Variants in P4HTM observed in about 807,000 individuals in gnomAD.
P4HTM encodes the protein transmembrane prolyl 4-hydroxylase.
In P4HTM, 33 loss-of-function variants were observed where a neutral mutation model predicts 55.3. The ratio of observed to expected loss-of-function variants is 0.60; its 90% CI spans 0.45 to 0.80. The LOEUF is 0.80. Among genes scored for constraint, P4HTM ranks in the 30% least tolerant of loss-of-function variants. P4HTM has a pLI of 0.00. For synonymous variants in P4HTM, 272 were observed against 286.4 expected (o/e 0.95, Z 0.51); for missense variants, 542 against 696.5 (o/e 0.78, Z 2.50).
Position 49,006,497 on chromosome 3 carries a change from T to G in P4HTM, c.1289-190T>G, listed in dbSNP as rs909631968. 2.0e-5 allele frequency among the ~76,000 whole-genome samples: 3 copies of G among 152,156 alleles called. 1 individual carries two copies. The highest frequency in any genetic ancestry group is 2.9e-5 in the Non-Finnish European group (2 of 68,024). On this transcript the variant is annotated intron_variant, in intron 8 of 8. Transcript: ENST00000383729. ...ACAGGCCCAACAGCAAGAAAGCTGG[T>G]TTCAGAGGGCCAGTAGTGTTGACTA...
upstream of P4HTM, chr3:48,990,045 T>G (rs1019571854): frequency 2.2e-5 from 5 of 230,504 alleles, no homozygotes; most frequent in Admixed American, 1.8e-4. This position sits in a 1 kb window ranked among gnomAD's most constrained non-coding sequence, Gnocchi z 7.2. Flanking sequence ...CAACCCAGCT[T>G]GGGAAGAGAA....
Position 49,006,674 on chromosome 3 carries a change from C to A in P4HTM, c.1289-13C>A. 6.2e-7 allele frequency: 1 copy of A among 1,611,704 alleles called. No homozygotes were observed. The highest frequency in any genetic ancestry group is 8.5e-7 in the Non-Finnish European group (1 of 1,178,396). On this transcript the variant is annotated splice_polypyrimidine_tract_variant and intron_variant, in intron 8 of 8. Transcript: ENST00000383729. ...AGCCCAGCCTAGGATCTCACGTCAC[C>A]CTCCTCTTCTAGGTTGGGTGGGTGA...
rs753523250 is a variant in P4HTM at position 48,990,923 on chromosome 3, G to A, written c.436+9G>A. 1.2e-5 allele frequency: 19 copies of A among 1,610,724 alleles called. 1 individual carries two copies. The Admixed American group carries it at 1.5e-4, about 13-fold the overall frequency. On this transcript the variant is annotated intron_variant, in intron 2 of 8. Transcript: ENST00000383729. The surrounding 1 kb of genome is among the most constrained non-coding windows in gnomAD (Gnocchi z 7.2). ...CAAGCCGCTGCTCTTCGGTAAGTCC[G>A]CCAGATACTCCTGGGAAGGGCCAGG...
At position 48,990,573 on chromosome 3, in the gene P4HTM, C is replaced by T; in HGVS notation, c.317C>T (p.Pro106Leu). ...CGTGCCCAGGGCCCCGGGCCCGAGC[C>T]CACCTTAGGTCCCCTCACCCGGCTG... ...QHRAQGPGPE[P>L]TLGPLTRLEG... The change falls in exon 1 of 9, where the codon CCC becomes CTC. Residue 106 changes from proline (P) to leucine (L), a missense_variant. Coordinates refer to ENST00000383729, the MANE Select transcript of P4HTM (RefSeq NM_177939.3). The surrounding 1 kb of genome is among the most constrained non-coding windows in gnomAD (Gnocchi z 7.2). 6.2e-7 allele frequency: 1 copy of T among 1,607,312 alleles called. No individual in the cohort carries two copies. The highest frequency in any genetic ancestry group is 8.5e-7 in the Non-Finnish European group (1 of 1,177,884).
intron 2 of P4HTM, among the ~76,000 whole-genome samples, chr3:48,996,754 G>A (rs936263695): frequency 2.0e-5 from 3 of 152,132 alleles, no homozygotes; most frequent in African/African-American, 7.2e-5. Context: ...GCTACGGACC[G>A]GTAAAGGTTA....
At chr3:48,995,129 A>G (rs2092941938) in intron 2 of P4HTM, among the ~76,000 whole-genome samples, 1 of 151,720 alleles carries the variant, frequency 6.6e-6, no homozygotes, top group African/African-American at 2.4e-5. Flanking sequence ...TGTCTCCAAC[A>G]TTTTCCATTT....
intron 5 of P4HTM, chr3:49,004,502 T>A (rs537514515): frequency 1.2e-5 from 7 of 561,206 alleles, no homozygotes; most frequent in Admixed American, 3.5e-5. Flanking sequence ...TCTTTCTGAT[T>A]AGATAAATGA....
Position 49,002,508 on chromosome 3 carries a change from C to T in P4HTM, c.636C>T (p.Ala212=), listed in dbSNP as rs2092964080. 1.2e-6 allele frequency: 2 copies of T among 1,613,616 alleles called. No homozygotes were observed. Among genetic ancestry groups the T allele is most frequent in the African/African-American group, 2.7e-5 (2 of 74,920 alleles). ...DGHLQLREVL[A]QTRLGNGWWM... ...ACCCTCTTATGCTTTAGGTTCTGGC[C>T]CAGACTCGCCTGGGAAATGGATGGT... The change falls in exon 4 of 9, where the codon GCC becomes GCT. Residue 212 remains alanine (A), a synonymous_variant. Transcript: ENST00000383729. The surrounding 1 kb of genome is among the most constrained non-coding windows in gnomAD (Gnocchi z 4.4).
chr3:48,991,124 C>T, intron 2 of P4HTM: 1 of 554,140 alleles, frequency 1.8e-6, no homozygotes, highest in Non-Finnish European at 3.2e-6. Context: ...TCTTCCATCA[C>T]AGGGCTGGCA....
intron 2 of P4HTM, chr3:48,997,088 GT>G (rs1258379256): frequency 6.6e-6 from 1 of 152,242 alleles, no homozygotes; most frequent in Non-Finnish European, 1.5e-5. Context: ...CTGGATTCTG[GT>G]TTGTAAATCT....
At position 49,002,652 on chromosome 3, in the gene P4HTM, G is replaced by C; in HGVS notation, c.724+56G>C. ...CCGTGAGCCTCCTGCCCACTCCCAG[G>C]TGCACAATTTTGAAAACTTGGGCCC... On this transcript the variant is annotated intron_variant, in intron 4 of 8. Coordinates refer to ENST00000383729, the MANE Select transcript of P4HTM (RefSeq NM_177939.3). The surrounding 1 kb of genome is among the most constrained non-coding windows in gnomAD (Gnocchi z 4.4). The C allele has an allele frequency of 7.2e-7, 1 of 1,395,728 alleles. No homozygotes were observed. Among genetic ancestry groups the C allele is most frequent in the Non-Finnish European group, 1.0e-6 (1 of 980,808 alleles). The allele number at this position is 1,395,728 out of a possible 1,614,324, so 86.5% of individuals were successfully genotyped here.
rs1218384423 is a variant in P4HTM at position 49,004,112 on chromosome 3, CAGG to C, written c.742_744del (p.Glu248del). 3 of 1,557,186 alleles carry C rather than the reference CAGG, an allele frequency of 1.9e-6. No homozygotes were observed. The highest frequency in any genetic ancestry group is 2.6e-6 in the Non-Finnish European group (3 of 1,150,852). ...GCCCTGTGCAGGAGTGCTGAGTCTG[CAGG>C]AGTTCTCCAACATGGACCTTCGGGA... is the stretch of plus-strand genomic sequence containing the variant. On this transcript the variant is annotated inframe_deletion, in exon 5 of 9. Transcript: ENST00000383729.
intron 2 of P4HTM, among the ~76,000 whole-genome samples, chr3:48,996,649 T>C (rs2092946678): frequency 6.6e-6 from 1 of 152,176 alleles, no homozygotes; most frequent in Non-Finnish European, 1.5e-5. Context: ...TGTGAGCCAC[T>C]GCGCCTGGCT....
chr3:49,006,566 G>A (rs1485851296), intron 8 of P4HTM, 121 bp from the exon 9 acceptor site: 11 of 772,796 alleles, frequency 1.4e-5, no homozygotes, highest in Non-Finnish European at 2.4e-5. Flanking sequence ...GAAGCTTTAG[G>A]TCTGGGTGTT....
At position 49,006,896 on chromosome 3, in the gene P4HTM, G is replaced by A; in HGVS notation, c.1498G>A (p.Val500Met). 6.2e-7 allele frequency: 1 copy of A among 1,611,738 alleles called. No individual in the cohort carries two copies. The highest frequency in any genetic ancestry group is 1.1e-5 in the South Asian group (1 of 90,994). The change falls in exon 9 of 9, where the codon GTG becomes ATG. Residue 500 changes from valine to methionine, a missense_variant. Transcript: ENST00000383729. ...ALDRAYRDAR[V>M]EL ...GGACCGGGCCTACCGCGATGCGCGC[G>A]TGGAACTCTGAGGGAAGAGTTAGCC...
At chr3:48,993,003 GA>G (rs988187718) in intron 2 of P4HTM, among the ~76,000 whole-genome samples, 1 of 151,824 alleles carries the variant, frequency 6.6e-6, no homozygotes, top group African/African-American at 2.4e-5. Context: ...GGACCTGCCT[GA>G]AAAAAATATT....
In P4HTM at chr3:49,002,509, C is replaced by T; in HGVS notation, c.637C>T (p.Gln213Ter). The T allele has an allele frequency of 6.2e-7, 1 of 1,613,834 alleles. No homozygotes were observed. Among genetic ancestry groups the T allele is most frequent in the Non-Finnish European group, 8.5e-7 (1 of 1,179,730 alleles). ...CCCTCTTATGCTTTAGGTTCTGGCC[C>T]AGACTCGCCTGGGAAATGGATGGTG... ...GHLQLREVLAQTRLGNGWWMT... is the reference protein window; with the variant it reads ...GHLQLREVLA Residue 213 changes from glutamine (Q) to a stop codon, truncating the protein, a stop_gained, in exon 4 of 9, where the codon CAG becomes TAG. Coordinates refer to ENST00000383729, the MANE Select transcript of P4HTM (RefSeq NM_177939.3). LOFTEE classifies it high-confidence loss of function. This position sits in a 1 kb window ranked among gnomAD's most constrained non-coding sequence, Gnocchi z 4.4.
In P4HTM at chr3:48,990,547, C is replaced by G; in HGVS notation, c.291C>G (p.His97Gln). ...GDESSDPGPQ[H>Q]RAQGPGPEPT... Reference sequence around the variant, plus strand: ...AAAGCAGCGATCCCGGGCCCCAACACCGTGCCCAGGGCCCCGGGCCCGAGC... The same window carrying G: ...AAAGCAGCGATCCCGGGCCCCAACAGCGTGCCCAGGGCCCCGGGCCCGAGC... Residue 97 changes from histidine (H) to glutamine (Q), a missense_variant, in exon 1 of 9, where the codon CAC becomes CAG. This residue lies in a region of P4HTM where 536 missense variants were observed against 672.1 expected (regional missense o/e 0.80). Transcript: ENST00000383729. This position sits in a 1 kb window ranked among gnomAD's most constrained non-coding sequence, Gnocchi z 7.2. 1 of 1,610,294 alleles carries G rather than the reference C, an allele frequency of 6.2e-7. No homozygotes were observed. Among genetic ancestry groups the G allele is most frequent in the South Asian group, 1.1e-5 (1 of 90,816 alleles).
Position 49,005,835 on chromosome 3 carries a change from C to T in P4HTM, c.1132C>T (p.Pro378Ser), listed in dbSNP as rs770506232. Residue 378 changes from proline (P) to serine (S), a missense_variant, in exon 7 of 9, where the codon CCT becomes TCT. Pro to Ser is a moderately conservative substitution (Grantham distance 74). Around this residue, in one of 2 missense-constraint regions of P4HTM, gnomAD observed 536 missense variants for 672.1 expected, o/e 0.80. Transcript: ENST00000383729. Reference sequence around the variant, plus strand: ...CACTGGTGGGGGCGAGACTGTTTTCCCTGTAGCAGATAACAGAACCTACGA... The same window carrying T: ...CACTGGTGGGGGCGAGACTGTTTTCTCTGTAGCAGATAACAGAACCTACGA... Reference protein sequence around the residue: ...NVTGGGETVFPVADNRTYDEM... With the variant: ...NVTGGGETVFSVADNRTYDEM... 2.6e-6 allele frequency: 4 copies of T among 1,567,568 alleles called. No homozygotes were observed. In the Admixed American group the frequency reaches 5.8e-5, roughly 23 times the overall value.
Sources: gnomAD v4.1 joint callset for allele counts (sites outside exome capture counted in the v4.1 genomes callset) on GRCh38, gnomAD v4.1.1 for gene constraint, gnomAD v4.1.1 regional missense constraint, Gnocchi (gnomAD v3.1) non-coding constraint, MANE v1.5 for transcripts, NCBI Gene and HGNC (gene_info 2026-07-23, HGNC 2026-07-21) for gene names.